The following FOXN3 variants were observed in gnomAD, a reference collection of about 807,000 sequenced individuals.
FOXN3 encodes the protein forkhead box N3.
Under a neutral mutation model 38.4 loss-of-function variants are expected in FOXN3, and 7 were observed. The ratio of observed to expected loss-of-function variants is 0.18; its 90% CI spans 0.10 to 0.34. The LOEUF (loss-of-function observed/expected upper bound fraction) is 0.34, where lower values mean the gene tolerates loss of function less well. Ranked by LOEUF, FOXN3 falls within the 10% of genes least tolerant of loss-of-function variation. The pLI, the probability that FOXN3 is intolerant of heterozygous loss-of-function variation, is 1.00. For synonymous variants in FOXN3, 230 were observed against 242.2 expected (o/e 0.95, Z 0.47); for missense variants, 456 against 613.4 (o/e 0.74, Z 2.71).
chr14:89,531,189 T>C (rs1179689665), intron 1 of FOXN3, among the ~76,000 whole-genome samples: 2 of 151,256 alleles, frequency 1.3e-5, no homozygotes, highest in East Asian at 3.9e-4. Context: ...ATGTATGACC[T>C]TCAGGTTTCT....
At chr14:89,511,251 CTTT>C (rs1566681304) in intron 1 of FOXN3, among the ~76,000 whole-genome samples, 1 of 13,132 alleles carries the variant, frequency 7.6e-5, no homozygotes, top group East Asian at 2.0e-3. Flanking sequence ...TCTTTCTTTT[CTTT>C]CTTTCTTTCT....
intron 1 of FOXN3, among the ~76,000 whole-genome samples, chr14:89,439,078 G>A (rs1347101459): frequency 6.6e-6 from 1 of 151,996 alleles, no homozygotes; most frequent in African/African-American, 2.4e-5. Flanking sequence ...TTCTTAAAGA[G>A]GTACCCACCC....
chr14:89,427,583 G>A (rs979827683), intron 1 of FOXN3, among the ~76,000 whole-genome samples: 4 of 150,950 alleles, frequency 2.6e-5, no homozygotes, highest in Non-Finnish European at 5.9e-5. Flanking sequence ...CTTCCAAAGT[G>A]CTGGGATTAC....
chr14:89,285,858 C>CAA (rs757375047), intron 3 of FOXN3, among the ~76,000 whole-genome samples: 3 of 120,564 alleles, frequency 2.5e-5, no homozygotes, highest in African/African-American at 8.7e-5. Flanking sequence ...TGTATTTTAC[C>CAA]AAAAATTTTT....
At chr14:89,442,114 T>C (rs1022202252) in intron 1 of FOXN3, among the ~76,000 whole-genome samples, 29 of 152,022 alleles carry the variant, frequency 1.9e-4, no homozygotes, top group African/African-American at 6.5e-4. Context: ...TTAGTAGAGA[T>C]GGAGTTTCTC....
intron 4 of FOXN3, among the ~76,000 whole-genome samples, chr14:89,224,357 A>G (rs780545899): frequency 5.1e-4 from 77 of 152,374 alleles, no homozygotes; most frequent in Admixed American, 1.0e-3. Flanking sequence ...AAAAACTGAT[A>G]GGCTTATAAA....
At chr14:89,320,771 T>C (rs1236905129) in intron 3 of FOXN3, among the ~76,000 whole-genome samples, 2 of 152,216 alleles carry the variant, frequency 1.3e-5, no homozygotes, top group Non-Finnish European at 2.9e-5. Context: ...CAGAGGCACC[T>C]GGGCTAAATG....
rs113502700 is a variant in FOXN3 at position 89,472,582 on chromosome 14, G to A, written c.-14-60092C>T. Among the ~76,000 whole-genome samples the A allele has an allele frequency of 5.8e-3, 881 of 151,788 alleles. 9 individuals carry two copies. Among genetic ancestry groups the A allele is most frequent in the Admixed American group, 0.01 (157 of 15,270 alleles). ...AAAATTACAAAAAAATTAGCTGGGC[G>A]TGGTGGCGGACGCCTGCAGTCCCAG... On this transcript the variant is annotated intron_variant, in intron 1 of 6. Coordinates refer to the FOXN3 transcript ENST00000345097.
At chr14:89,589,879 T>C (rs1895916545) in intron 1 of FOXN3, among the ~76,000 whole-genome samples, 1 of 152,156 alleles carries the variant, frequency 6.6e-6, no homozygotes, top group Non-Finnish European at 1.5e-5. Flanking sequence ...GAAGAGAAAC[T>C]CAGCCCCTTC....
At chr14:89,174,461 T>A (rs1161778087) in intron 5 of FOXN3, among the ~76,000 whole-genome samples, 2 of 152,200 alleles carry the variant, frequency 1.3e-5, no homozygotes, top group Non-Finnish European at 2.9e-5. Context: ...CATGATTTCC[T>A]TTTTGCAAGA....
intron 4 of FOXN3, among the ~76,000 whole-genome samples, chr14:89,276,584 C>T (rs1279171724): frequency 6.6e-6 from 1 of 152,226 alleles, no homozygotes; most frequent in East Asian, 1.9e-4. Context: ...GGTCTGACCA[C>T]AGAACGGGCT....
Position 89,163,698 on chromosome 14 carries a change from G to A in FOXN3, c.852-729C>T, listed in dbSNP as rs1035595856. On this transcript the variant is annotated intron_variant, in intron 5 of 5. Transcript: ENST00000557258. The surrounding 1 kb of genome is among the most constrained non-coding windows in gnomAD (Gnocchi z 4.3). Reference sequence around the variant, plus strand: ...CAACACCTGCCAGGCGCTCTGCTAAGTCTGTGCAGAGGACCATGTTTAACT... The same window carrying A: ...CAACACCTGCCAGGCGCTCTGCTAAATCTGTGCAGAGGACCATGTTTAACT... Among the ~76,000 whole-genome samples the A allele has an allele frequency of 1.5e-4, 23 of 152,236 alleles. No homozygotes were observed. Among genetic ancestry groups the A allele is most frequent in the Non-Finnish European group, 7.3e-5 (5 of 68,042 alleles).
At chr14:89,445,075 T>C (rs1031840762) in intron 1 of FOXN3, among the ~76,000 whole-genome samples, 5 of 151,722 alleles carry the variant, frequency 3.3e-5, no homozygotes, top group African/African-American at 7.3e-5. Flanking sequence ...TGGGCCATGA[T>C]TGAGCCACTG....
At chr14:89,407,500 C>G (rs142361713) in intron 2 of FOXN3, among the ~76,000 whole-genome samples, 77 of 152,276 alleles carry the variant, frequency 5.1e-4, no homozygotes, top group Non-Finnish European at 1.0e-3. Flanking sequence ...CTTATGTATA[C>G]CGAAATGTTT....
rs538885377 is a variant in FOXN3, at chr14:89,562,530, G to T, written c.-15+56498C>A. Among the ~76,000 whole-genome samples the T allele has an allele frequency of 5.3e-5, 8 of 152,262 alleles. No homozygotes were observed. The East Asian group carries it at 1.5e-3, about 29-fold the overall frequency. The stretch of plus-strand genomic sequence containing the variant: ...CTGCCTCAGTGTCCCCAAGTGCTGG[G>T]ATTACGGGTGTGAGCCACCGTGCCC... On this transcript the variant is annotated intron_variant, in intron 1 of 6. Coordinates refer to the FOXN3 transcript ENST00000345097.
intron 1 of FOXN3, among the ~76,000 whole-genome samples, chr14:89,458,868 C>T (rs193091454): frequency 1.4e-4 from 21 of 152,266 alleles, no homozygotes; most frequent in South Asian, 8.3e-4. Context: ...AGATTCACCA[C>T]GCTCAGTCCA....
intron 4 of FOXN3, among the ~76,000 whole-genome samples, chr14:89,204,082 C>T (rs970730576): frequency 6.6e-6 from 1 of 151,518 alleles, no homozygotes; most frequent in African/African-American, 2.4e-5. Context: ...CACACACACA[C>T]ACACACACAC....
intron 1 of FOXN3, among the ~76,000 whole-genome samples, chr14:89,457,387 G>T (rs1182629795): frequency 1.3e-5 from 2 of 152,138 alleles, no homozygotes; most frequent in Non-Finnish European, 2.9e-5. Context: ...CTGTTTACTA[G>T]GAAAATCCAA....
At chr14:89,191,616 T>G (rs992285174) in intron 4 of FOXN3, among the ~76,000 whole-genome samples, 3 of 152,120 alleles carry the variant, frequency 2.0e-5, no homozygotes, top group Admixed American at 6.6e-5. Context: ...GAAAATTACT[T>G]TTTTAATGTT....
Sources: gnomAD v4.1 joint callset for allele counts (sites outside exome capture counted in the v4.1 genomes callset) on GRCh38, gnomAD v4.1.1 for gene constraint, Gnocchi (gnomAD v3.1) non-coding constraint, MANE v1.5 for transcripts, NCBI Gene and HGNC (gene_info 2026-07-23, HGNC 2026-07-21) for gene names.